The following GALNT13 variants were observed in gnomAD, a reference collection of about 807,000 sequenced individuals.
GALNT13 encodes the protein UDP-GalNAc:polypeptide N-acetylgalactosaminyltransferase 13.
A neutral mutation model predicts 64.2 loss-of-function variants in GALNT13; 28 were observed. That is an observed-to-expected ratio of 0.44 (90% CI 0.32 to 0.60). GALNT13 has a LOEUF of 0.60. Among genes scored for constraint, GALNT13 ranks in the 20% least tolerant of loss-of-function variants. The pLI, the probability that GALNT13 is intolerant of heterozygous loss-of-function variation, is 0.05. For synonymous variants in GALNT13, 214 were observed against 224.6 expected, an observed-to-expected ratio of 0.95 and a Z score of 0.42; for missense variants, 577 against 669.8, an observed-to-expected ratio of 0.86 and a Z score of 1.53.
chr2:153,640,975 A>G, the GALNT13 span, among the ~76,000 whole-genome samples: 1 of 152,130 alleles, frequency 6.6e-6, no homozygotes, highest in Non-Finnish European at 1.5e-5. Context: ...CTGAAGGGGA[A>G]GTCTCTTTGT....
At chr2:153,116,976 T>A in the GALNT13 span, among the ~76,000 whole-genome samples, 4 of 151,814 alleles carry the variant, frequency 2.6e-5, no homozygotes, top group Non-Finnish European at 4.4e-5. Flanking sequence ...ATATTTTGTA[T>A]TTTTAGTAGA....
At chr2:153,155,906 A>G in the GALNT13 span, among the ~76,000 whole-genome samples, 6 of 152,122 alleles carry the variant, frequency 3.9e-5, no homozygotes, top group Non-Finnish European at 7.4e-5. Context: ...TGCATTAGCT[A>G]TGTCCCAGAG....
intron 1 of GALNT13, among the ~76,000 whole-genome samples, chr2:153,891,732 A>G (rs991458451): frequency 2.0e-5 from 3 of 152,120 alleles, no homozygotes; most frequent in African/African-American, 7.2e-5. Flanking sequence ...CTGAATGAGC[A>G]TGTAACTCCT....
chr2:153,824,160 G>A, the GALNT13 span, among the ~76,000 whole-genome samples: 36 of 150,410 alleles, frequency 2.4e-4, 1 homozygote, highest in South Asian at 3.2e-3. Context: ...GCTATACACT[G>A]TATATATATA....
At chr2:153,513,577 T>C in the GALNT13 span, among the ~76,000 whole-genome samples, 2 of 152,222 alleles carry the variant, frequency 1.3e-5, no homozygotes, top group African/African-American at 4.8e-5. Context: ...TGTTTATTTT[T>C]CCATTGGTCA....
chr2:153,878,397 A>G (rs1169090656), intron 1 of GALNT13, among the ~76,000 whole-genome samples: 3 of 152,168 alleles, frequency 2.0e-5, no homozygotes, highest in Non-Finnish European at 2.9e-5. Context: ...CTATGCACCC[A>G]CACAGCTCTG....
intron 3 of GALNT13, among the ~76,000 whole-genome samples, chr2:154,035,788 A>G (rs1052758081): frequency 5.3e-5 from 8 of 152,052 alleles, no homozygotes; most frequent in Admixed American, 1.3e-4. Flanking sequence ...ATACTTTAGG[A>G]AAATCTAGAA....
chr2:153,842,143 G>A, the GALNT13 span, among the ~76,000 whole-genome samples: 3 of 151,928 alleles, frequency 2.0e-5, no homozygotes, highest in African/African-American at 7.3e-5. Flanking sequence ...GGTGGGGGGA[G>A]CTGGGGGAAT....
chr2:153,814,166 C>T, the GALNT13 span, among the ~76,000 whole-genome samples: 1 of 152,182 alleles, frequency 6.6e-6, no homozygotes, highest in African/African-American at 2.4e-5. Context: ...TTTGGCCGGG[C>T]GCGGTGGCTC....
chr2:153,713,112 G>T, the GALNT13 span, among the ~76,000 whole-genome samples: 235 of 152,124 alleles, frequency 1.5e-3, 5 homozygotes, highest in Admixed American at 0.014. Flanking sequence ...TGGCAGATAC[G>T]GAATTTAAAT....
chr2:154,033,993 G>A (rs907557436), intron 3 of GALNT13, among the ~76,000 whole-genome samples: 7 of 151,974 alleles, frequency 4.6e-5, no homozygotes, highest in African/African-American at 1.2e-4. Flanking sequence ...GGGAGAACCT[G>A]GAGTGACTGG....
the GALNT13 span, among the ~76,000 whole-genome samples, chr2:153,112,009 C>T: frequency 2.0e-5 from 3 of 151,984 alleles, no homozygotes; most frequent in African/African-American, 7.2e-5. Flanking sequence ...GAATTTACCC[C>T]CTCTCCAAAC....
intron 2 of GALNT13, among the ~76,000 whole-genome samples, chr2:153,928,534 G>A (rs931172917): frequency 1.3e-5 from 2 of 151,992 alleles, no homozygotes; most frequent in Non-Finnish European, 2.9e-5. Context: ...CCCTCTTGAG[G>A]ACTATTAATG....
At chr2:154,173,456 G>C (rs572838368) in intron 4 of GALNT13, among the ~76,000 whole-genome samples, 1 of 151,896 alleles carries the variant, frequency 6.6e-6, no homozygotes, top group South Asian at 2.1e-4. Flanking sequence ...AAGTCTTAAA[G>C]AAAACATTTG....
chr2:154,339,557 A>C (rs772156519), intron 9 of GALNT13, among the ~76,000 whole-genome samples: 3 of 152,162 alleles, frequency 2.0e-5, no homozygotes, highest in Non-Finnish European at 2.9e-5. Flanking sequence ...GTTCTTATAG[A>C]GACATGTTTG....
rs1701840355 is a variant in GALNT13 at position 154,450,652 on chromosome 2, T to C, written c.*101T>C. The C allele has an allele frequency of 9.1e-7, 1 of 1,103,156 alleles. No individual in the cohort carries two copies. Among genetic ancestry groups the C allele is most frequent in the Non-Finnish European group, 1.3e-6 (1 of 796,362 alleles). The allele number at this position is 1,103,156 out of a possible 1,614,324, so 68.3% of individuals were successfully genotyped here. The stretch of plus-strand genomic sequence containing the variant: ...TTTGCTGAATTGAAAGTTTTAAAAA[T>C]CCTTTTAGTATTCTAAAACACAATT... On this transcript the variant is annotated 3_prime_UTR_variant, in exon 13 of 13. Transcript: ENST00000392825.
the GALNT13 span, among the ~76,000 whole-genome samples, chr2:153,810,526 C>G: frequency 2.6e-5 from 4 of 152,028 alleles, no homozygotes; most frequent in Admixed American, 2.6e-4. Flanking sequence ...CTTGCTTATA[C>G]ATTTGTTATT....
At chr2:153,554,922 G>A in the GALNT13 span, among the ~76,000 whole-genome samples, 1 of 151,926 alleles carries the variant, frequency 6.6e-6, no homozygotes, top group Non-Finnish European at 1.5e-5. Flanking sequence ...TATCTGCTTT[G>A]TTATTAGAAT....
chr2:154,300,823 TA>T (rs1259347589), intron 8 of GALNT13, among the ~76,000 whole-genome samples: 1 of 152,056 alleles, frequency 6.6e-6, no homozygotes, highest in African/African-American at 2.4e-5. Flanking sequence ...ATGCTTAAAA[TA>T]AAAAAGGTAC....
Sources: gnomAD v4.1 joint callset for allele counts (sites outside exome capture counted in the v4.1 genomes callset) on GRCh38, gnomAD v4.1.1 for gene constraint, MANE v1.5 for transcripts, NCBI Gene and HGNC (gene_info 2026-07-23, HGNC 2026-07-21) for gene names.